Variants in WDR70 observed in about 807,000 individuals in gnomAD.
The protein encoded by WDR70 is WD repeat-containing protein 70.
In WDR70, 53 loss-of-function variants were observed where a neutral mutation model predicts 88.6. The ratio of observed to expected loss-of-function variants is 0.60; its 90% confidence interval spans 0.48 to 0.75. The LOEUF (loss-of-function observed/expected upper bound fraction) is 0.75. Among genes scored for constraint, WDR70 ranks in the 30% least tolerant of loss-of-function variants. The pLI, the probability that WDR70 is intolerant of heterozygous loss-of-function variation, is 0.00. For missense variants in WDR70, 610 were observed against 823.2 expected (o/e 0.74, Z 3.17); for synonymous variants, 280 against 270.0 (o/e 1.04, Z -0.36).
At chr5:37,687,008 A>G (rs1324796996) in intron 10 of WDR70, among the ~76,000 whole-genome samples, 6 of 151,726 alleles carry the variant, frequency 4.0e-5, no homozygotes, top group African/African-American at 1.5e-4. Context: ...GTAGTTAATT[A>G]TCAATCTCAG....
Position 37,653,745 on chromosome 5 carries a change from C to T in WDR70, c.1093-43910C>T, listed in dbSNP as rs545391784. Reference sequence around the variant, plus strand: ...TTTGCATAGAGGTGTTTATAGTATTCTCTGATGGTAGTTTGTATTTCTGTG... The same window carrying T: ...TTTGCATAGAGGTGTTTATAGTATTTTCTGATGGTAGTTTGTATTTCTGTG... On this transcript the variant is annotated intron_variant, in intron 10 of 17. Coordinates refer to ENST00000265107, the MANE Select transcript of WDR70 (RefSeq NM_018034.4). Among the ~76,000 whole-genome samples, 26 of 152,264 alleles carry T rather than the reference C, an allele frequency of 1.7e-4. No individual in the cohort carries two copies. In the South Asian group the frequency reaches 5.2e-3, roughly 30 times the overall value.
intron 4 of WDR70, among the ~76,000 whole-genome samples, chr5:37,392,690 G>C: frequency 6.6e-6 from 1 of 151,862 alleles, no homozygotes; most frequent in Non-Finnish European, 1.5e-5. Context: ...TTTCGCCCAG[G>C]CTGGAGTGCA....
In WDR70 at chr5:37,632,378, G is replaced by A. The variant is rs1479305774; in HGVS notation, c.1092+27140G>A. On this transcript the variant is annotated intron_variant, in intron 10 of 17. Coordinates refer to ENST00000265107, the MANE Select transcript of WDR70 (RefSeq NM_018034.4). ...AGCAGTTGACTGTAAAACATCCTCA[G>A]GTTCTTCAGGAAATATTCCAGAAGA... is the stretch of plus-strand genomic sequence containing the variant. Among the ~76,000 whole-genome samples, 4 of 152,158 alleles carry A rather than the reference G, an allele frequency of 2.6e-5. No individual in the cohort carries two copies. The East Asian group carries it at 5.8e-4, about 22-fold the overall frequency.
intron 10 of WDR70, among the ~76,000 whole-genome samples, chr5:37,664,523 A>T (rs375467087): frequency 6.6e-6 from 1 of 152,234 alleles, no homozygotes; most frequent in Non-Finnish European, 1.5e-5. Context: ...CATCCTCACC[A>T]GGCTTTACCT....
intron 9 of WDR70, among the ~76,000 whole-genome samples, chr5:37,577,724 C>A (rs1743099140): frequency 6.6e-6 from 1 of 152,016 alleles, no homozygotes; most frequent in South Asian, 2.1e-4. Context: ...CTGACTCTCC[C>A]CAAGTGATAC....
At chr5:37,742,425 C>T (rs1195994834) in intron 17 of WDR70, among the ~76,000 whole-genome samples, 1 of 151,692 alleles carries the variant, frequency 6.6e-6, no homozygotes, top group African/African-American at 2.4e-5. Flanking sequence ...AGTTCTTTGC[C>T]CATTTAAAAA....
At chr5:37,688,049 A>G in intron 10 of WDR70, 1 of 586,036 alleles carries the variant, frequency 1.7e-6, no homozygotes, top group East Asian at 2.9e-5. Flanking sequence ...ATATGCATAC[A>G]CATCTATATG....
chr5:37,627,673 T>G (rs1184147927), intron 10 of WDR70, among the ~76,000 whole-genome samples: 1 of 152,236 alleles, frequency 6.6e-6, no homozygotes, highest in Non-Finnish European at 1.5e-5. Flanking sequence ...TTCTTAATTT[T>G]GAGTTTAACC....
chr5:37,483,751 G>A (rs1276960962), intron 8 of WDR70, among the ~76,000 whole-genome samples: 3 of 150,452 alleles, frequency 2.0e-5, no homozygotes, highest in African/African-American at 2.4e-5. Context: ...CCTCCCGGAC[G>A]GGGCGGCTGG....
chr5:37,695,717 A>G (rs1210342199), intron 10 of WDR70, among the ~76,000 whole-genome samples: 1 of 152,162 alleles, frequency 6.6e-6, no homozygotes, highest in Non-Finnish European at 1.5e-5. Context: ...AGCTCATGCA[A>G]CTGCTTCAGC....
intron 10 of WDR70, among the ~76,000 whole-genome samples, chr5:37,645,363 A>G (rs1745205362): frequency 1.3e-5 from 2 of 151,904 alleles, no homozygotes; most frequent in Admixed American, 1.3e-4. Context: ...GTATGATATT[A>G]TTTCAATTTT....
At chr5:37,751,956 T>G (rs1315035409) in intron 17 of WDR70, among the ~76,000 whole-genome samples, 2 of 152,194 alleles carry the variant, frequency 1.3e-5, no homozygotes, top group East Asian at 1.9e-4. Flanking sequence ...GCGGGGGATA[T>G]TCGTTTTCTT....
Position 37,624,389 on chromosome 5 carries a change from C to G in WDR70, c.1092+19151C>G, listed in dbSNP as rs75561362. Among the ~76,000 whole-genome samples the G allele has an allele frequency of 7.7e-4, 117 of 152,176 alleles. No homozygotes were observed. The East Asian group carries it at 0.018, about 24-fold the overall frequency. On this transcript the variant is annotated intron_variant, in intron 10 of 17. Transcript: ENST00000265107. Reference sequence around the variant, plus strand: ...GCAGGATTTCATTCTCTTTTATGACCGAGTAGTATTCCGTAGTGCATATAT... The same window carrying G: ...GCAGGATTTCATTCTCTTTTATGACGGAGTAGTATTCCGTAGTGCATATAT...
At chr5:37,677,758 G>C (rs771657067) in intron 10 of WDR70, among the ~76,000 whole-genome samples, 7 of 152,120 alleles carry the variant, frequency 4.6e-5, no homozygotes, top group Non-Finnish European at 1.0e-4. Context: ...GGTCTGCTTG[G>C]TGCAGAGCTG....
chr5:37,512,474 C>T (rs561286679), intron 8 of WDR70, among the ~76,000 whole-genome samples: 3 of 152,032 alleles, frequency 2.0e-5, no homozygotes, highest in Non-Finnish European at 2.9e-5. Context: ...CTGCCTTGGC[C>T]TCCCAAAGTG....
chr5:37,387,402 TATTAA>T (rs1748654752), intron 3 of WDR70, among the ~76,000 whole-genome samples: 1 of 152,204 alleles, frequency 6.6e-6, no homozygotes, highest in Non-Finnish European at 1.5e-5. Flanking sequence ...CTTGGGGGGT[TATTAA>T]ATTTTTAAAT....
chr5:37,470,952 A>G (rs1371593317), intron 7 of WDR70, among the ~76,000 whole-genome samples: 1 of 151,768 alleles, frequency 6.6e-6, no homozygotes, highest in African/African-American at 2.4e-5. Flanking sequence ...CAGTGGCACA[A>G]TCTCAGCTCA....
chr5:37,706,032 A>G lies in WDR70; in HGVS notation c.1416+2945A>G, dbSNP rs1747312138. 3.9e-5 allele frequency among the ~76,000 whole-genome samples: 6 copies of G among 152,248 alleles called. 1 individual carries two copies. The highest frequency in any genetic ancestry group is 2.0e-4 in the Admixed American group (3 of 15,284). On this transcript the variant is annotated intron_variant, in intron 13 of 17. Coordinates refer to ENST00000265107, the MANE Select transcript of WDR70 (RefSeq NM_018034.4). ...TTGTTTTCAGTCAGAAGATGTTAAC[A>G]ATCTATGCAGTTATTCCTTTTAACT...
intron 17 of WDR70, among the ~76,000 whole-genome samples, chr5:37,747,834 T>C (rs952014712): frequency 1.3e-5 from 2 of 152,184 alleles, no homozygotes; most frequent in Non-Finnish European, 2.9e-5. Context: ...AGTATTCCTT[T>C]ACACCAACAG....
Sources: allele counts gnomAD v4.1 joint callset (sites outside exome capture counted in the v4.1 genomes callset), GRCh38; gene constraint gnomAD v4.1.1; transcripts MANE v1.5; gene names NCBI Gene and HGNC (gene_info 2026-07-23, HGNC 2026-07-21).